LUZP2: variants seen among roughly 807,000 people sequenced by gnomAD.
LUZP2 encodes the protein leucine zipper protein 2.
Under a neutral mutation model 51.6 loss-of-function variants are expected in LUZP2, and 52 were observed. The ratio of observed to expected loss-of-function variants is 1.01; its 90% CI spans 0.81 to 1.27. The LOEUF (loss-of-function observed/expected upper bound fraction) is 1.27. Ranked by LOEUF, LUZP2 falls within the 50% of genes most tolerant of loss-of-function variation. The probability of loss-of-function intolerance (pLI) is 0.00; values close to 1 mark genes in which losing one functional copy is unlikely to be tolerated. For synonymous variants in LUZP2, 154 were observed against 137.3 expected, an observed-to-expected ratio of 1.12 and a Z score of -0.85; for missense variants, 436 against 395.4, an observed-to-expected ratio of 1.10 and a Z score of -0.87.
intron 1 of LUZP2, among the ~76,000 whole-genome samples, chr11:24,582,720 A>G (rs1852912520): frequency 6.6e-6 from 1 of 152,090 alleles, no homozygotes; most frequent in Non-Finnish European, 1.5e-5. Flanking sequence ...TCTAGAAGAA[A>G]TGTGTGCCTG....
At chr11:24,836,776 A>T (rs950246391) in intron 5 of LUZP2, among the ~76,000 whole-genome samples, 2 of 151,854 alleles carry the variant, frequency 1.3e-5, no homozygotes, top group Admixed American at 1.3e-4. Flanking sequence ...AAAGCAAAAT[A>T]TAGTTCTAGT....
intron 7 of LUZP2, among the ~76,000 whole-genome samples, chr11:24,943,994 T>G (rs1854833951): frequency 6.6e-6 from 1 of 152,190 alleles, no homozygotes; most frequent in African/African-American, 2.4e-5. Context: ...GAAGTCCATG[T>G]ATAATAATGT....
At chr11:24,531,722 A>C (rs748003725) in intron 1 of LUZP2, among the ~76,000 whole-genome samples, 6 of 150,862 alleles carry the variant, frequency 4.0e-5, no homozygotes, top group Non-Finnish European at 7.4e-5. Flanking sequence ...AACATACCAC[A>C]AATTCTTAAC....
At chr11:24,646,496 C>T in intron 1 of LUZP2, 2 of 648,702 alleles carry the variant, frequency 3.1e-6, no homozygotes, top group Non-Finnish European at 3.8e-6. Flanking sequence ...AATGCTTTAC[C>T]TTATTGGAAT....
At chr11:24,705,525 T>C (rs891417333) in intron 1 of LUZP2, among the ~76,000 whole-genome samples, 1 of 152,202 alleles carries the variant, frequency 6.6e-6, no homozygotes, top group Non-Finnish European at 1.5e-5. Flanking sequence ...TTGATGCACA[T>C]TGATAATAAA....
At chr11:24,586,960 T>C (rs1322289548) in intron 1 of LUZP2, among the ~76,000 whole-genome samples, 1 of 152,146 alleles carries the variant, frequency 6.6e-6, no homozygotes, top group African/African-American at 2.4e-5. Context: ...TCTTAGGTAG[T>C]ATAAATAGAA....
chr11:24,623,569 G>A (rs900635274), intron 1 of LUZP2, among the ~76,000 whole-genome samples: 4 of 152,156 alleles, frequency 2.6e-5, no homozygotes, highest in African/African-American at 9.7e-5. Context: ...AAACATGCCA[G>A]GCACAGTGGC....
chr11:25,061,414 G>A (rs1858833655), intron 10 of LUZP2, among the ~76,000 whole-genome samples: 1 of 152,154 alleles, frequency 6.6e-6, no homozygotes. Flanking sequence ...GTATCTGAGA[G>A]GCAGTGTTTA....
intron 10 of LUZP2, among the ~76,000 whole-genome samples, chr11:25,067,363 T>C (rs1379275838): frequency 1.3e-5 from 2 of 152,138 alleles, no homozygotes; most frequent in Admixed American, 1.3e-4. Context: ...TATTTTGCTG[T>C]GCAGAAGCTC....
At chr11:24,764,489 CTAAA>C (rs1324313492) in intron 5 of LUZP2, among the ~76,000 whole-genome samples, 3 of 56,420 alleles carry the variant, frequency 5.3e-5, no homozygotes, top group East Asian at 9.1e-4. Context: ...AATCTCATCT[CTAAA>C]AAAAAAAAAA....
rs1277388215 is a variant in LUZP2 at position 24,922,825 on chromosome 11, C to CT, written c.522+8298dup. Among the ~76,000 whole-genome samples the CT allele has an allele frequency of 3.3e-3, 148 of 44,574 alleles. 10 individuals carry two copies. The highest frequency in any genetic ancestry group is 5.9e-3 in the Non-Finnish European group (92 of 15,548). 29.2% of individuals were successfully genotyped at this position (44,574 alleles called of 152,430 possible). A position where few individuals can be genotyped will look rare whatever the true frequency, so the allele number is the denominator to read the frequency against. ...GGACTACCAAGTGGCACAGTTATAT[C>CT]TTTTTTTTTTTCTTTTTTTTTTTTT... On this transcript the variant is annotated intron_variant, in intron 7 of 11. Transcript: ENST00000336930.
At chr11:24,577,839 T>G (rs1389079646) in intron 1 of LUZP2, among the ~76,000 whole-genome samples, 1 of 152,158 alleles carries the variant, frequency 6.6e-6, no homozygotes, top group Non-Finnish European at 1.5e-5. Context: ...ATTATACAGT[T>G]AGCGTATCAG....
chr11:24,825,751 T>C (rs1390496929), intron 5 of LUZP2, among the ~76,000 whole-genome samples: 1 of 152,104 alleles, frequency 6.6e-6, no homozygotes, highest in East Asian at 1.9e-4. Context: ...GCTTCCCTCC[T>C]CACCCCCTGA....
intron 7 of LUZP2, among the ~76,000 whole-genome samples, chr11:24,954,727 C>G (rs980210288): frequency 1.3e-5 from 2 of 152,022 alleles, no homozygotes; most frequent in African/African-American, 4.8e-5. Context: ...GAGTAACATT[C>G]TATTGGTGTA....
intron 9 of LUZP2, among the ~76,000 whole-genome samples, chr11:25,028,917 G>A (rs900849629): frequency 6.6e-6 from 1 of 151,940 alleles, no homozygotes; most frequent in Non-Finnish European, 1.5e-5. Context: ...TAGGCAAAAG[G>A]CAAAAGCTAA....
chr11:24,545,422 G>GT (rs1851508004), intron 1 of LUZP2, among the ~76,000 whole-genome samples: 1 of 151,860 alleles, frequency 6.6e-6, no homozygotes, highest in African/African-American at 2.4e-5. Context: ...ACATTTAAAT[G>GT]TTTAATCTAT....
chr11:24,999,039 C>T (rs1240789243), intron 9 of LUZP2, among the ~76,000 whole-genome samples: 1 of 152,110 alleles, frequency 6.6e-6, no homozygotes, highest in Non-Finnish European at 1.5e-5. Flanking sequence ...ACTGCCTCAT[C>T]ATATATAATG....
intron 1 of LUZP2, among the ~76,000 whole-genome samples, chr11:24,698,695 T>C (rs1013560365): frequency 2.6e-5 from 4 of 152,186 alleles, no homozygotes; most frequent in Non-Finnish European, 4.4e-5. Context: ...TAGAGAATTT[T>C]TTTCTTCTAG....
At chr11:25,046,635 T>C (rs1858322489) in intron 9 of LUZP2, among the ~76,000 whole-genome samples, 1 of 152,158 alleles carries the variant, frequency 6.6e-6, no homozygotes, top group African/African-American at 2.4e-5. Context: ...GCCCCAAGCC[T>C]ATAATAGCCT....
Sources: allele counts gnomAD v4.1 joint callset (sites outside exome capture counted in the v4.1 genomes callset), GRCh38; gene constraint gnomAD v4.1.1; transcripts MANE v1.5; gene names NCBI Gene and HGNC (gene_info 2026-07-23, HGNC 2026-07-21).